PTPRS: variants seen among roughly 807,000 people sequenced by gnomAD.
PTPRS encodes protein tyrosine phosphatase receptor type S.
In PTPRS, 63 loss-of-function variants were observed where a neutral mutation model predicts 215.3. The ratio of observed to expected loss-of-function variants is 0.29; its 90% confidence interval spans 0.24 to 0.36. The LOEUF (loss-of-function observed/expected upper bound fraction) is 0.36. Among genes scored for constraint, PTPRS ranks in the 10% least tolerant of loss-of-function variants. The pLI, the probability that PTPRS is intolerant of heterozygous loss-of-function variation, is 1.00. For synonymous variants in PTPRS, 1,404 were observed against 1,191.4 expected (o/e 1.18, Z -3.68); for missense variants, 2,258 against 2,825.8 (o/e 0.80, Z 4.56).
rs142224539 is a variant in PTPRS, at chr19:5,277,815, T to C, written c.92-3471A>G. 3.5e-3 allele frequency: 2,696 copies of C among 759,778 alleles called. 57 individuals carry two copies. In the African/African-American group the frequency reaches 0.04, roughly 11 times the overall value. The allele number at this position is 759,778 out of a possible 1,614,324, so 47.1% of individuals were successfully genotyped here. A position where few individuals can be genotyped will look rare whatever the true frequency, so the allele number is the denominator to read the frequency against. Reference sequence around the variant, plus strand: ...GTTCATCCGGCACCAGTCAGACCAATATGTCAAAATTAAGCGTTAACTGGG... The same window carrying C: ...GTTCATCCGGCACCAGTCAGACCAACATGTCAAAATTAAGCGTTAACTGGG... On this transcript the variant is annotated intron_variant, in intron 2 of 37. Transcript: ENST00000262963.
intron 17 of PTPRS, among the ~76,000 whole-genome samples, chr19:5,224,238 A>G (rs2042271222): frequency 6.6e-6 from 1 of 152,190 alleles, no homozygotes; most frequent in Non-Finnish European, 1.5e-5. Context: ...GAAAGAAGAA[A>G]GAGAGGGAAC....
In PTPRS at chr19:5,220,988, G is replaced by C. The variant is rs778485299; in HGVS notation, c.3455+12C>G. The C allele has an allele frequency of 3.1e-6, 5 of 1,596,992 alleles. No individual in the cohort carries two copies. In the South Asian group the frequency reaches 5.6e-5, roughly 18 times the overall value. The stretch of plus-strand genomic sequence containing the variant: ...GGGTGACAAGGAACCCGGAGCATGG[G>C]GGTGAGCATACTGGACAGGCACGGG... On this transcript the variant is annotated intron_variant, in intron 20 of 37. Coordinates refer to ENST00000262963, the MANE Select transcript of PTPRS (RefSeq NM_002850.4).
rs1488288760 is a variant in PTPRS at position 5,205,949 on chromosome 19, A to C, written c.*825T>G. 6.6e-6 allele frequency among the ~76,000 whole-genome samples: 1 copy of C among 151,868 alleles called. No individual in the cohort carries two copies. Among genetic ancestry groups the C allele is most frequent in the Admixed American group, 6.6e-5 (1 of 15,242 alleles). On this transcript the variant is annotated 3_prime_UTR_variant, in exon 38 of 38. Coordinates refer to ENST00000262963, the MANE Select transcript of PTPRS (RefSeq NM_002850.4). ...TCAGAACTGTATTTGATATGTCTGAAAATTTAATTTATAAAAATGAAACAA... is the reference window on the plus strand; with the variant it reads ...TCAGAACTGTATTTGATATGTCTGACAATTTAATTTATAAAAATGAAACAA...
chr19:5,234,134 G>A (rs2043241297), intron 13 of PTPRS, among the ~76,000 whole-genome samples: 1 of 151,864 alleles, frequency 6.6e-6, no homozygotes, highest in African/African-American at 2.4e-5. Context: ...GGTGCCAAGG[G>A]CTTCATAATA....
chr19:5,327,009 G>A (rs1387916478), intron 1 of PTPRS, among the ~76,000 whole-genome samples: 1 of 152,158 alleles, frequency 6.6e-6, no homozygotes, highest in Non-Finnish European at 1.5e-5. Context: ...TGAGGGTTCT[G>A]TCCACATTGA....
chr19:5,241,333 G>A (rs139191475), intron 11 of PTPRS, among the ~76,000 whole-genome samples: 1 of 151,956 alleles, frequency 6.6e-6, no homozygotes, highest in Non-Finnish European at 1.5e-5. Context: ...ACCTAGGCTG[G>A]AGTGTAGTGG....
intron 1 of PTPRS, among the ~76,000 whole-genome samples, chr19:5,302,684 G>A (rs1377868764): frequency 6.6e-6 from 1 of 152,146 alleles, no homozygotes; most frequent in African/African-American, 2.4e-5. Flanking sequence ...GCTGGTGTGT[G>A]CAGCTCTGGG....
chr19:5,334,866 G>A (rs2050442017), intron 1 of PTPRS, among the ~76,000 whole-genome samples: 1 of 152,178 alleles, frequency 6.6e-6, no homozygotes, highest in Non-Finnish European at 1.5e-5. Context: ...ACAGGGGACG[G>A]CAGGTTGGAG....
chr19:5,219,968 C>G lies in PTPRS; in HGVS notation c.3736G>C (p.Val1246Leu). The change falls in exon 22 of 38, where the codon GTG (valine) becomes CTG (leucine). Residue 1246 changes from valine to leucine, a missense_variant. Transcript: ENST00000262963. ...TCGCTCTTCTGAAGCACGGCAAGCACGAAGAGGACATAGCGGTGGCCGGGC... is the reference window on the plus strand; with the variant it reads ...TCGCTCTTCTGAAGCACGGCAAGCAGGAAGAGGACATAGCGGTGGCCGGGC... ...LEPGHRYVLF[V>L]LAVLQKSEPT... 6.2e-7 allele frequency: 1 copy of G among 1,613,896 alleles called. No homozygotes were observed. Among genetic ancestry groups the G allele is most frequent in the Non-Finnish European group, 8.5e-7 (1 of 1,179,968 alleles).
intron 13 of PTPRS, among the ~76,000 whole-genome samples, chr19:5,236,534 T>C (rs546723766): frequency 1.3e-5 from 2 of 152,290 alleles, no homozygotes; most frequent in African/African-American, 4.8e-5. Flanking sequence ...GGCAAGAGCA[T>C]TAGAAACCCT....
rs2042834938 is a variant in PTPRS at position 5,229,534 on chromosome 19, C to T, written c.2306G>A (p.Arg769His). Residue 769 changes from arginine (R) to histidine (H), a missense_variant, in exon 15 of 38, where the codon CGC (arginine) becomes CAC (histidine). Arg to His is a conservative substitution (Grantham distance 29). This residue lies in a region of PTPRS where 371 missense variants were observed against 446.7 expected (regional missense o/e 0.83). Coordinates refer to ENST00000262963, the MANE Select transcript of PTPRS (RefSeq NM_002850.4). ...HYVRMEGAEA[R>H]GPPRIKDVML... ...GACGTCCTTGATGCGCGGCGGCCCG[C>T]GGGCCTCGGCGCCCTCCATGCGCAC... The T allele has an allele frequency of 3.4e-6, 5 of 1,464,182 alleles. No individual in the cohort carries two copies. Among genetic ancestry groups the T allele is most frequent in the African/African-American group, 1.5e-5 (1 of 67,436 alleles). The allele number at this position is 1,464,182 out of a possible 1,614,324, so 90.7% of individuals were successfully genotyped here.
Position 5,218,489 on chromosome 19 carries a change from T to C in PTPRS, c.3979A>G (p.Asn1327Asp). The C allele has an allele frequency of 6.2e-7, 1 of 1,614,104 alleles. No homozygotes were observed. Among genetic ancestry groups the C allele is most frequent in the Non-Finnish European group, 8.5e-7 (1 of 1,180,010 alleles). The change falls in exon 25 of 38, where the codon AAT becomes GAT. Residue 1327 changes from asparagine to aspartate, a missense_variant. Asn to Asp is a conservative substitution (Grantham distance 23). Transcript: ENST00000262963. ...SEPRTKCLLN[N>D]ADLAPHHPKD... is the part of the protein sequence containing the mutation. Reference sequence around the variant, plus strand: ...GGGTGGTGAGGGGCGAGGTCGGCATTGTTCAGGAGGCATTTGGTGCGGGGT... The same window carrying C: ...GGGTGGTGAGGGGCGAGGTCGGCATCGTTCAGGAGGCATTTGGTGCGGGGT...
At chr19:5,231,848 C>T (rs935352551) in intron 13 of PTPRS, among the ~76,000 whole-genome samples, 1 of 152,220 alleles carries the variant, frequency 6.6e-6, no homozygotes. Flanking sequence ...TGGCCAAGAA[C>T]CCTGTGCTCA....
rs1025807744 is a variant in PTPRS at position 5,294,170 on chromosome 19, G to A, written c.-94-7936C>T. 4 of 152,306 alleles carry A rather than the reference G, an allele frequency of 2.6e-5. No individual in the cohort carries two copies. The highest frequency in any genetic ancestry group is 7.2e-5 in the African/African-American group (3 of 41,478). The allele number at this position is 152,306 out of a possible 1,614,324, so 9.4% of individuals were successfully genotyped here. A position where few individuals can be genotyped will look rare whatever the true frequency, so the allele number is the denominator to read the frequency against. On this transcript the variant is annotated intron_variant, in intron 1 of 37. Coordinates refer to ENST00000262963, the MANE Select transcript of PTPRS (RefSeq NM_002850.4). This position sits in a 1 kb window ranked among gnomAD's most constrained non-coding sequence, Gnocchi z 5.1. ...AGCATTCGCGCTGAGGACGAAGCCC[G>A]AACGCCAACGCCAACGGGATGTCCT...
At chr19:5,246,598 C>A (rs956544572) in intron 9 of PTPRS, among the ~76,000 whole-genome samples, 4 of 152,156 alleles carry the variant, frequency 2.6e-5, no homozygotes, top group African/African-American at 9.7e-5. Context: ...GGAGAGGGGG[C>A]AACTTCCAAC....
chr19:5,276,405 T>C (rs1411611270), intron 2 of PTPRS, among the ~76,000 whole-genome samples: 1 of 151,882 alleles, frequency 6.6e-6, no homozygotes, highest in Non-Finnish European at 1.5e-5. Flanking sequence ...GTATTTTTAG[T>C]AGAGATGGGG....
chr19:5,339,227 A>G lies in PTPRS; in HGVS notation c.-95+1437T>C, dbSNP rs992736920. 1.3e-5 allele frequency among the ~76,000 whole-genome samples: 2 copies of G among 151,946 alleles called. No homozygotes were observed. The highest frequency in any genetic ancestry group is 6.6e-5 in the Admixed American group (1 of 15,260). On this transcript the variant is annotated intron_variant, in intron 1 of 37. Coordinates refer to ENST00000262963, the MANE Select transcript of PTPRS (RefSeq NM_002850.4). The surrounding 1 kb of genome is among the most constrained non-coding windows in gnomAD (Gnocchi z 4.2). ...CAGGGGAATCCCAGCTGAGCCCAGA[A>G]GGGGGAGGCAAGGCACCCCCAATGA...
intron 4 of PTPRS, among the ~76,000 whole-genome samples, chr19:5,271,927 G>A (rs2046945809): frequency 6.6e-6 from 1 of 151,746 alleles, no homozygotes; most frequent in African/African-American, 2.4e-5. Flanking sequence ...CTTTTACCAT[G>A]TTGGCCAGGC....
Position 5,220,101 on chromosome 19 carries a change from C to A in PTPRS, c.3603G>T (p.Gln1201His). ...LQRRSLRHSR[Q>H]LEVPRPYIAA... ...CAATATAGGGCCGGGGCACCTCCAGCTGACGCGAGTGCCGCAGGCTGCGCC... is the reference window on the plus strand; with the variant it reads ...CAATATAGGGCCGGGGCACCTCCAGATGACGCGAGTGCCGCAGGCTGCGCC... Residue 1201 changes from glutamine to histidine, a missense_variant, in exon 22 of 38, where the codon CAG (glutamine) becomes CAT (histidine). By Grantham distance (24) the Gln-to-His change is conservative. Around this residue, in one of 6 missense-constraint regions of PTPRS, gnomAD observed 927 missense variants for 1,125.9 expected, o/e 0.82. Coordinates refer to ENST00000262963, the MANE Select transcript of PTPRS (RefSeq NM_002850.4). 1.2e-6 allele frequency: 2 copies of A among 1,613,622 alleles called. No individual in the cohort carries two copies. The highest frequency in any genetic ancestry group is 1.7e-6 in the Non-Finnish European group (2 of 1,179,982).
Sources: allele counts gnomAD v4.1 joint callset (sites outside exome capture counted in the v4.1 genomes callset), GRCh38; gene constraint gnomAD v4.1.1; regional missense constraint gnomAD v4.1.1; non-coding constraint Gnocchi (gnomAD v3.1); transcripts MANE v1.5; gene names NCBI Gene and HGNC (gene_info 2026-07-23, HGNC 2026-07-21).